Variants in LMX1A observed in about 807,000 individuals in gnomAD.
The protein encoded by LMX1A is LIM homeobox transcription factor 1-alpha.
Under a neutral mutation model 49.1 loss-of-function variants are expected in LMX1A, and 15 were observed. That is an observed-to-expected ratio of 0.31 (90% CI 0.20 to 0.47). The LOEUF (loss-of-function observed/expected upper bound fraction) is 0.47, where lower values mean the gene tolerates loss of function less well. Among genes scored for constraint, LMX1A ranks in the 20% least tolerant of loss-of-function variants. The pLI is 1.00. For missense variants in LMX1A, 372 were observed against 475.8 expected (o/e 0.78, Z 2.03); for synonymous variants, 167 against 185.7 (o/e 0.90, Z 0.82).
In LMX1A at chr1:165,202,716, C is replaced by G. The variant is rs79493894; in HGVS notation, c.*1164G>C. On this transcript the variant is annotated 3_prime_UTR_variant, in exon 9 of 9. Transcript: ENST00000342310. Reference sequence around the variant, plus strand: ...ATCCCCTCAGCCTTCACCTCCTCCCCACTCTGGGACTCTGGGATCCCTCTG... The same window carrying G: ...ATCCCCTCAGCCTTCACCTCCTCCCGACTCTGGGACTCTGGGATCCCTCTG... The G allele has an allele frequency of 0.055, 8,354 of 152,430 alleles. 672 individuals are homozygous for G. The highest frequency in any genetic ancestry group is 0.17 in the African/African-American group (7,046 of 41,438). 9.4% of individuals were successfully genotyped at this position (152,430 alleles called of 1,614,324 possible).
At chr1:165,248,546 G>A (rs1652941527) in intron 4 of LMX1A, among the ~76,000 whole-genome samples, 1 of 152,148 alleles carries the variant, frequency 6.6e-6, no homozygotes, top group African/African-American at 2.4e-5. Flanking sequence ...TGTGAAACCT[G>A]CCCTATAAAA....
At chr1:165,205,209 T>C (rs1019466653) in intron 8 of LMX1A, among the ~76,000 whole-genome samples, 2 of 152,156 alleles carry the variant, frequency 1.3e-5, no homozygotes, top group Non-Finnish European at 1.5e-5. Context: ...TGGCTGAGGT[T>C]GAACTTGAGC....
chr1:165,351,673 C>G (rs929141565), intron 3 of LMX1A, among the ~76,000 whole-genome samples: 1 of 152,232 alleles, frequency 6.6e-6, no homozygotes, highest in Non-Finnish European at 1.5e-5. Flanking sequence ...ACTCTCTCCA[C>G]ATGGGGTTAA....
chr1:165,272,389 C>T (rs979442291), intron 3 of LMX1A, among the ~76,000 whole-genome samples: 1 of 152,198 alleles, frequency 6.6e-6, no homozygotes, highest in Non-Finnish European at 1.5e-5. Flanking sequence ...AAGCATCAAC[C>T]ACCCTCATTC....
intron 3 of LMX1A, among the ~76,000 whole-genome samples, chr1:165,252,069 G>C (rs1653077863): frequency 6.6e-6 from 1 of 152,070 alleles, no homozygotes; most frequent in Non-Finnish European, 1.5e-5. Flanking sequence ...TGCAATTGCT[G>C]GCTCAAAATA....
intron 5 of LMX1A, among the ~76,000 whole-genome samples, chr1:165,211,494 C>T (rs1392095060): frequency 6.6e-6 from 1 of 152,182 alleles, no homozygotes; most frequent in Non-Finnish European, 1.5e-5. Context: ...GCAAGAAGCA[C>T]AGATTTTCAG....
chr1:165,282,668 T>C (rs531426498), intron 3 of LMX1A, among the ~76,000 whole-genome samples: 9 of 152,252 alleles, frequency 5.9e-5, no homozygotes, highest in African/African-American at 2.2e-4. Context: ...ATGCTTCCAC[T>C]CATTCACGTG....
At chr1:165,205,811 T>G in intron 8 of LMX1A, 53 bp downstream of exon 8, 1 of 1,564,222 alleles carries the variant, frequency 6.4e-7, no homozygotes, top group Non-Finnish European at 8.8e-7. Flanking sequence ...TAGGAGGGAA[T>G]GAGAAACCCA....
At chr1:165,224,666 G>A (rs932793695) in intron 4 of LMX1A, among the ~76,000 whole-genome samples, 5 of 152,198 alleles carry the variant, frequency 3.3e-5, no homozygotes, top group African/African-American at 1.2e-4. Context: ...CTGTTGAATA[G>A]CTTGTGTTTC....
intron 3 of LMX1A, among the ~76,000 whole-genome samples, chr1:165,291,367 A>G (rs1280706738): frequency 6.6e-6 from 1 of 152,226 alleles, no homozygotes; most frequent in Non-Finnish European, 1.5e-5. Context: ...TACCTGGCTT[A>G]GAGATGAAGA....
rs185149452 is a variant in LMX1A, at chr1:165,257,247, G to A, written c.264-7607C>T. On this transcript the variant is annotated intron_variant, in intron 3 of 8. Coordinates refer to ENST00000342310, the MANE Select transcript of LMX1A (RefSeq NM_177398.4). ...TAGGAGAGAACCACTCTGGGATGGC[G>A]AACTCATGGGTCCTGTTTTGTATTT... 1.7e-3 allele frequency among the ~76,000 whole-genome samples: 254 copies of A among 152,098 alleles called. 2 individuals are homozygous for A. Among genetic ancestry groups the A allele is most frequent in the South Asian group, 3.8e-3 (18 of 4,792 alleles).
intron 3 of LMX1A, among the ~76,000 whole-genome samples, chr1:165,309,894 T>G (rs1402306707): frequency 1.3e-5 from 2 of 152,192 alleles, no homozygotes; most frequent in Non-Finnish European, 2.9e-5. Flanking sequence ...AAAATGCTCA[T>G]CCACTTGTCC....
intron 4 of LMX1A, among the ~76,000 whole-genome samples, chr1:165,223,863 C>A (rs766556899): frequency 3.3e-5 from 5 of 151,274 alleles, no homozygotes; most frequent in Non-Finnish European, 7.4e-5. Flanking sequence ...CTGTTTTGAC[C>A]TACTTCTGGA....
At chr1:165,336,769 C>CTAA (rs1655910525) in intron 3 of LMX1A, among the ~76,000 whole-genome samples, 2 of 152,136 alleles carry the variant, frequency 1.3e-5, no homozygotes, top group Non-Finnish European at 2.9e-5. Context: ...CCTCAACGAC[C>CTAA]TAATGCCTAT....
intron 4 of LMX1A, chr1:165,219,253 C>G (rs1651749731): frequency 6.6e-6 from 1 of 152,128 alleles, no homozygotes. Flanking sequence ...TGGAAAAATC[C>G]CAACGGCCCA....
intron 3 of LMX1A, among the ~76,000 whole-genome samples, chr1:165,283,382 C>T (rs993120910): frequency 1.3e-5 from 2 of 152,188 alleles, no homozygotes; most frequent in Non-Finnish European, 2.9e-5. Context: ...CAGAATGAAT[C>T]CCAGTCATTA....
intron 3 of LMX1A, among the ~76,000 whole-genome samples, chr1:165,285,989 G>A (rs1000777629): frequency 1.3e-5 from 2 of 152,232 alleles, no homozygotes; most frequent in South Asian, 4.2e-4. Flanking sequence ...AAGGCTTATC[G>A]AGACTCATAG....
chr1:165,266,561 C>A (rs1456410551), intron 3 of LMX1A, among the ~76,000 whole-genome samples: 2 of 146,440 alleles, frequency 1.4e-5, no homozygotes, highest in East Asian at 4.0e-4. Flanking sequence ...AAGCAACATG[C>A]TGGATGAACT....
intron 3 of LMX1A, among the ~76,000 whole-genome samples, chr1:165,278,983 T>C (rs1654053194): frequency 1.3e-5 from 2 of 152,198 alleles, no homozygotes; most frequent in African/African-American, 4.8e-5. Context: ...AGGAAAGAGC[T>C]ACTCTGCATC....
Sources: gnomAD v4.1 joint callset for allele counts (sites outside exome capture counted in the v4.1 genomes callset) on GRCh38, gnomAD v4.1.1 for gene constraint, MANE v1.5 for transcripts, NCBI Gene and HGNC (gene_info 2026-07-23, HGNC 2026-07-21) for gene names.